PIK3CG: variants seen among roughly 807,000 people sequenced by gnomAD.
PIK3CG encodes phosphatidylinositol 4,5-bisphosphate 3-kinase catalytic subunit gamma isoform.
A neutral mutation model predicts 102.3 loss-of-function variants in PIK3CG; 55 were observed. That is an observed-to-expected ratio of 0.54 (90% CI 0.43 to 0.67). PIK3CG has a LOEUF of 0.67. PIK3CG is among the 30% of genes least tolerant of loss of function. The probability of loss-of-function intolerance (pLI) is 0.00; values close to 1 mark genes in which losing one functional copy is unlikely to be tolerated. For synonymous variants in PIK3CG, 552 were observed against 540.0 expected, an observed-to-expected ratio of 1.02 and a Z score of -0.31; for missense variants, 1,258 against 1,391.8, an observed-to-expected ratio of 0.90 and a Z score of 1.53.
chr7:106,892,576 T>C lies in PIK3CG; in HGVS notation c.3030+6284T>C, dbSNP rs147790109. On this transcript the variant is annotated intron_variant, in intron 10 of 10. Transcript: ENST00000496166. This position sits in a 1 kb window ranked among gnomAD's most constrained non-coding sequence, Gnocchi z 5.2. ...GAACATTAAGCATTCATCCATCTTA[T>C]ATATGCAGATTATCTGTAGTGTATC... Among the ~76,000 whole-genome samples, 1 of 152,370 alleles carries C rather than the reference T, an allele frequency of 6.6e-6. No homozygotes were observed. Among genetic ancestry groups the C allele is most frequent in the African/African-American group, 2.4e-5 (1 of 41,594 alleles).
intron 10 of PIK3CG, among the ~76,000 whole-genome samples, chr7:106,889,131 A>G (rs1252579971): frequency 6.6e-6 from 1 of 152,210 alleles, no homozygotes; most frequent in Non-Finnish European, 1.5e-5. Context: ...CTCTGCTTAC[A>G]GAGTAAGTGG....
In PIK3CG at chr7:106,906,829, T is replaced by G. The variant is rs926138809; in HGVS notation, c.*1442T>G. The stretch of plus-strand genomic sequence containing the variant: ...TTGACTTTGAGGTAGTCCAGACCTT[T>G]TCTTTTTTTTTTTTTTTTTAATGTG... On this transcript the variant is annotated 3_prime_UTR_variant, in exon 11 of 11. Transcript: ENST00000496166. The G allele has an allele frequency of 3.9e-4, 82 of 212,314 alleles. No homozygotes were observed. Among genetic ancestry groups the G allele is most frequent in the African/African-American group, 1.8e-3 (78 of 44,072 alleles). The allele number at this position is 212,314 out of a possible 1,614,324, so 13.2% of individuals were successfully genotyped here. A position where few individuals can be genotyped will look rare whatever the true frequency, so the allele number is the denominator to read the frequency against.
rs61757719 is a variant in PIK3CG, at chr7:106,867,650, C to G, written c.89C>G (p.Ala30Gly). 87 of 1,613,338 alleles carry G rather than the reference C, an allele frequency of 5.4e-5. No homozygotes were observed. The East Asian group carries it at 1.3e-3, about 25-fold the overall frequency. The change falls in exon 2 of 11, where the codon GCC becomes GGC. Residue 30 changes from alanine (A) to glycine (G), a missense_variant. By Grantham distance (60) the Ala-to-Gly change is moderately conservative. Coordinates refer to ENST00000496166, the MANE Select transcript of PIK3CG (RefSeq NM_001282426.2). This position sits in a 1 kb window ranked among gnomAD's most constrained non-coding sequence, Gnocchi z 5.1. ...RRRMKPRSAA[A>G]SLSSMELIPI... Reference sequence around the variant, plus strand: ...AGGATGAAGCCGCGCAGTGCTGCGGCCAGCCTGTCCTCCATGGAGCTCATC... The same window carrying G: ...AGGATGAAGCCGCGCAGTGCTGCGGGCAGCCTGTCCTCCATGGAGCTCATC...
chr7:106,897,540 C>T lies in PIK3CG; in HGVS notation c.3031-7569C>T, dbSNP rs961608436. 6.6e-5 allele frequency among the ~76,000 whole-genome samples: 10 copies of T among 152,104 alleles called. No homozygotes were observed. Among genetic ancestry groups the T allele is most frequent in the East Asian group, 3.8e-4 (2 of 5,196 alleles). ...CTCCTCTCCCTCCTCTCATTCTCTC[C>T]CCTCAAGTAGATCCCAGTGTCTGTT... is the stretch of plus-strand genomic sequence containing the variant. On this transcript the variant is annotated intron_variant, in intron 10 of 10. Coordinates refer to ENST00000496166, the MANE Select transcript of PIK3CG (RefSeq NM_001282426.2). The surrounding 1 kb of genome is among the most constrained non-coding windows in gnomAD (Gnocchi z 4.6).
At position 106,879,424 on chromosome 7, in the gene PIK3CG, T is replaced by G. The variant is rs1426336913; in HGVS notation, c.2392-95T>G. ...TTCTCCAACTAGGACTTTGTCCTTG[T>G]TGTTTATAGTGATGTTTTGCAAGAG... On this transcript the variant is annotated intron_variant, in intron 5 of 10. Transcript: ENST00000496166. The surrounding 1 kb of genome is among the most constrained non-coding windows in gnomAD (Gnocchi z 4.9). The G allele has an allele frequency of 1.0e-6, 1 of 977,520 alleles. No homozygotes were observed. Among genetic ancestry groups the G allele is most frequent in the Non-Finnish European group, 1.6e-6 (1 of 618,844 alleles). 60.6% of individuals were successfully genotyped at this position (977,520 alleles called of 1,614,324 possible).
rs1484535137 is a variant in PIK3CG, at chr7:106,891,723, G to T, written c.3030+5431G>T. The stretch of plus-strand genomic sequence containing the variant: ...TGAGGACTGTCTTTAAAAGGCACTT[G>T]CCCCTAGATGTCACTCTTAAGAAGC... On this transcript the variant is annotated intron_variant, in intron 10 of 10. Coordinates refer to ENST00000496166, the MANE Select transcript of PIK3CG (RefSeq NM_001282426.2). This position sits in a 1 kb window ranked among gnomAD's most constrained non-coding sequence, Gnocchi z 4.4. Among the ~76,000 whole-genome samples the T allele has an allele frequency of 2.6e-5, 4 of 151,990 alleles. No individual in the cohort carries two copies. Among genetic ancestry groups the T allele is most frequent in the Admixed American group, 6.6e-5 (1 of 15,240 alleles).
In PIK3CG at chr7:106,884,760, T is replaced by C. The variant is rs1381774532; in HGVS notation, c.2872+494T>C. Among the ~76,000 whole-genome samples, 2 of 152,298 alleles carry C rather than the reference T, an allele frequency of 1.3e-5. No homozygotes were observed. The highest frequency in any genetic ancestry group is 3.4e-3 in the Middle Eastern group (1 of 294). On this transcript the variant is annotated intron_variant, in intron 9 of 10. Transcript: ENST00000496166. This position sits in a 1 kb window ranked among gnomAD's most constrained non-coding sequence, Gnocchi z 4.2. Reference sequence around the variant, plus strand: ...CCTGCCACCAGATGCAGCTCAATTTTCACTTGCCACTCACTGAGAGGGTTT... The same window carrying C: ...CCTGCCACCAGATGCAGCTCAATTTCCACTTGCCACTCACTGAGAGGGTTT...
chr7:106,870,442 C>A (rs919501980), intron 2 of PIK3CG, among the ~76,000 whole-genome samples: 2 of 152,186 alleles, frequency 1.3e-5, no homozygotes, highest in African/African-American at 4.8e-5. Context: ...AATAGAAATG[C>A]TATTTTAGAG....
Position 106,905,434 on chromosome 7 carries a change from TTAGCA to T in PIK3CG, c.*53_*57del. ...ACAAGTTAGTGTTCTATGGTTTAAA[TTAGCA>T]TAGCAATCATCGAACTTGGATTTCA... On this transcript the variant is annotated 3_prime_UTR_variant, in exon 11 of 11. Coordinates refer to ENST00000496166, the MANE Select transcript of PIK3CG (RefSeq NM_001282426.2). This position sits in a 1 kb window ranked among gnomAD's most constrained non-coding sequence, Gnocchi z 5.6. 1 of 1,534,564 alleles carries T rather than the reference TTAGCA, an allele frequency of 6.5e-7. No homozygotes were observed. Among genetic ancestry groups the T allele is most frequent in the African/African-American group, 1.4e-5 (1 of 72,914 alleles).
At position 106,868,623 on chromosome 7, in the gene PIK3CG, G is replaced by C. The variant is rs1217105859; in HGVS notation, c.1062G>C (p.Leu354=). The change falls in exon 2 of 11, where the codon CTG becomes CTC. Residue 354 remains leucine (L), a synonymous_variant. Transcript: ENST00000496166. The surrounding 1 kb of genome is among the most constrained non-coding windows in gnomAD (Gnocchi z 6.2). ...ACGAGAGTGTGTTCACCGTGTCCCTGTGGGACTGCGACCGCAAGTTCAGGG... is the reference window on the plus strand; with the variant it reads ...ACGAGAGTGTGTTCACCGTGTCCCTCTGGGACTGCGACCGCAAGTTCAGGG... ...KDHESVFTVS[L]WDCDRKFRVK... The C allele has an allele frequency of 3.7e-6, 6 of 1,614,092 alleles. No individual in the cohort carries two copies. The African/African-American group carries it at 4.0e-5, about 11-fold the overall frequency.
In PIK3CG at chr7:106,872,857, G is replaced by A. The variant is rs758129365; in HGVS notation, c.2206G>A (p.Val736Ile). The A allele has an allele frequency of 3.3e-5, 54 of 1,614,058 alleles. No individual in the cohort carries two copies. In the Admixed American group the frequency reaches 8.7e-4, roughly 26 times the overall value. Reference protein sequence around the residue: ...TAMLHDFTQQVQVIEMLQKVT... With the variant: ...TAMLHDFTQQIQVIEMLQKVT... ...CATGCTGCACGACTTTACCCAACAA[G>A]TCCAAGTAATCGAGATGTTACAAAA... is the stretch of plus-strand genomic sequence containing the variant. The change falls in exon 4 of 11, where the codon GTC becomes ATC. Residue 736 changes from valine to isoleucine, a missense_variant. Physicochemically the swap from Val to Ile is conservative, Grantham distance 29 (BLOSUM62 3). This residue lies in a region of PIK3CG where 426 missense variants were observed against 604.2 expected (regional missense o/e 0.71). Coordinates refer to ENST00000496166, the MANE Select transcript of PIK3CG (RefSeq NM_001282426.2). This position sits in a 1 kb window ranked among gnomAD's most constrained non-coding sequence, Gnocchi z 5.3.
intron 2 of PIK3CG, among the ~76,000 whole-genome samples, chr7:106,871,291 C>T (rs1790522258): frequency 6.6e-6 from 1 of 152,208 alleles, no homozygotes; most frequent in Admixed American, 6.5e-5. Context: ...AAACTTAAAA[C>T]ATTGCGAAAA....
In PIK3CG at chr7:106,908,743, A is replaced by G. The variant is rs1791753752; in HGVS notation, c.*3356A>G. Among the ~76,000 whole-genome samples the G allele has an allele frequency of 1.3e-5, 2 of 152,238 alleles. No homozygotes were observed. Reference sequence around the variant, plus strand: ...GGCTATTAGTGCTATATTAATGGAAATTAATTATTTTTTAAGTAAGTCCAA... The same window carrying G: ...GGCTATTAGTGCTATATTAATGGAAGTTAATTATTTTTTAAGTAAGTCCAA... On this transcript the variant is annotated 3_prime_UTR_variant, in exon 11 of 11. Transcript: ENST00000496166. The surrounding 1 kb of genome is among the most constrained non-coding windows in gnomAD (Gnocchi z 4.1).
chr7:106,882,841 T>C, intron 7 of PIK3CG, 192 bp from the exon 8 acceptor site: 1 of 500,562 alleles, frequency 2.0e-6, no homozygotes, highest in South Asian at 4.0e-5. Context: ...CCCACACAAC[T>C]TCCATATCCT....
At position 106,879,621 on chromosome 7, in the gene PIK3CG, T is replaced by G. The variant is rs1276962032; in HGVS notation, c.2494T>G (p.Phe832Val). 1 of 1,613,120 alleles carries G rather than the reference T, an allele frequency of 6.2e-7. No homozygotes were observed. Among genetic ancestry groups the G allele is most frequent in the East Asian group, 2.2e-5 (1 of 44,872 alleles). Residue 832 changes from phenylalanine to valine, a missense_variant, in exon 6 of 11, where the codon TTT (phenylalanine) becomes GTT (valine). Coordinates refer to ENST00000496166, the MANE Select transcript of PIK3CG (RefSeq NM_001282426.2). The surrounding 1 kb of genome is among the most constrained non-coding windows in gnomAD (Gnocchi z 4.9). ...ATCAAATGAAACAATTGGAATTATC[T>G]TTAAACATGGTGATGATCTGCGCCA... ...ALSNETIGIIFKHGDDLRQDM... is the reference protein window; with the variant it reads ...ALSNETIGIIVKHGDDLRQDM...
chr7:106,869,642 A>G lies in PIK3CG; in HGVS notation c.1995+86A>G, dbSNP rs1283478208. On this transcript the variant is annotated intron_variant, in intron 2 of 10. Coordinates refer to ENST00000496166, the MANE Select transcript of PIK3CG (RefSeq NM_001282426.2). This position sits in a 1 kb window ranked among gnomAD's most constrained non-coding sequence, Gnocchi z 5.3. ...CAGGCACTCCATTCAGTTGTCATCA[A>G]ATGCCCTTTGTTCAGAGCTTCATCA... 3 of 1,133,024 alleles carry G rather than the reference A, an allele frequency of 2.6e-6. No homozygotes were observed. Among genetic ancestry groups the G allele is most frequent in the Middle Eastern group, 2.0e-4 (1 of 4,940 alleles). 70.2% of individuals were successfully genotyped at this position (1,133,024 alleles called of 1,614,324 possible).
rs545689995 is a variant in PIK3CG at position 106,867,142 on chromosome 7, C to T, written c.-12-408C>T. Reference sequence around the variant, plus strand: ...TTCTGAGCCATTATAATGTGTCATGCGCTGTGCTGGATGAGTGTTTTACCT... The same window carrying T: ...TTCTGAGCCATTATAATGTGTCATGTGCTGTGCTGGATGAGTGTTTTACCT... On this transcript the variant is annotated intron_variant, in intron 1 of 10. Transcript: ENST00000496166. The surrounding 1 kb of genome is among the most constrained non-coding windows in gnomAD (Gnocchi z 5.1). Among the ~76,000 whole-genome samples the T allele has an allele frequency of 6.6e-5, 10 of 152,242 alleles. No individual in the cohort carries two copies. In the South Asian group the frequency reaches 1.0e-3, roughly 16 times the overall value.
At chr7:106,881,720 C>G (rs147545361) in intron 6 of PIK3CG, among the ~76,000 whole-genome samples, 22 of 152,146 alleles carry the variant, frequency 1.4e-4, no homozygotes, top group Non-Finnish European at 2.8e-4. Flanking sequence ...CATCATGATG[C>G]GCGCCTCTAA....
chr7:106,896,208 C>T (rs545624835), intron 10 of PIK3CG, among the ~76,000 whole-genome samples: 53 of 152,256 alleles, frequency 3.5e-4, no homozygotes, highest in Non-Finnish European at 6.5e-4. Context: ...TAGGTGAATT[C>T]CTGCATCACT....
Sources: gnomAD v4.1 joint callset for allele counts (sites outside exome capture counted in the v4.1 genomes callset) on GRCh38, gnomAD v4.1.1 for gene constraint, gnomAD v4.1.1 regional missense constraint, Gnocchi (gnomAD v3.1) non-coding constraint, MANE v1.5 for transcripts, NCBI Gene and HGNC (gene_info 2026-07-23, HGNC 2026-07-21) for gene names.